The following VWA5B1 variants were observed in gnomAD, a reference collection of about 807,000 sequenced individuals.
VWA5B1 encodes the protein von Willebrand factor A domain containing 5B1, also known as von Willebrand factor A domain-containing protein 5B1.
In VWA5B1, 115 loss-of-function variants were observed where a neutral mutation model predicts 118.2. That is an observed-to-expected ratio of 0.97 (90% confidence interval 0.84 to 1.14). The LOEUF is 1.14. Ranked by LOEUF, VWA5B1 falls within the 50% of genes most tolerant of loss-of-function variation. The pLI is 0.00. For missense variants in VWA5B1, 1,596 were observed against 1,603.8 expected, an observed-to-expected ratio of 1.00 and a Z score of 0.08; for synonymous variants, 682 against 658.4, an observed-to-expected ratio of 1.04 and a Z score of -0.55.
rs918406148 is a variant in VWA5B1 at position 20,326,133 on chromosome 1, C to T, written c.1144-1757C>T. 1.6e-4 allele frequency among the ~76,000 whole-genome samples: 25 copies of T among 152,212 alleles called. 1 individual carries two copies. Among genetic ancestry groups the T allele is most frequent in the Non-Finnish European group, 5.9e-5 (4 of 68,046 alleles). ...TAATGAAAAAATAAGCAGACATTGA[C>T]TTCTTTTGTAGAGAAACCAAATGTA... On this transcript the variant is annotated intron_variant, in intron 8 of 21. Coordinates refer to ENST00000289815, the MANE Select transcript of VWA5B1 (RefSeq NM_001039500.3).
chr1:20,336,013 G>A (rs761264194), intron 12 of VWA5B1, among the ~76,000 whole-genome samples: 5 of 152,174 alleles, frequency 3.3e-5, no homozygotes, highest in Middle Eastern at 3.4e-3. Flanking sequence ...TGGTAATTTC[G>A]GTTACCTATT....
chr1:20,323,529 C>A lies in VWA5B1; in HGVS notation c.1140C>A (p.Val380=). The change falls in exon 8 of 22, where the codon GTC becomes GTA. Residue 380 remains valine (V), a synonymous_variant. Coordinates refer to ENST00000289815, the MANE Select transcript of VWA5B1 (RefSeq NM_001039500.3). ...TGAGCGGGATCAGCATGCACCGAGT[C>A]AAGGTACCTGCTGAGAGAACCCCTC... is the stretch of plus-strand genomic sequence containing the variant. ...SSMSGISMHR[V]KDAMLVALKS... 6.9e-7 allele frequency: 1 copy of A among 1,452,082 alleles called. No homozygotes were observed. The highest frequency in any genetic ancestry group is 1.4e-5 in the South Asian group (1 of 69,064). The allele number at this position is 1,452,082 out of a possible 1,614,324, so 89.9% of individuals were successfully genotyped here. A position where few individuals can be genotyped will look rare whatever the true frequency, so the allele number is the denominator to read the frequency against.
chr1:20,335,205 C>T (rs2089678092), intron 12 of VWA5B1, among the ~76,000 whole-genome samples: 1 of 152,188 alleles, frequency 6.6e-6, no homozygotes, highest in Admixed American at 6.5e-5. Flanking sequence ...GTCCCAACTA[C>T]TCTGGAAGCT....
chr1:20,319,705 G>T (rs550921883), intron 7 of VWA5B1, among the ~76,000 whole-genome samples, 199 bp downstream of exon 7: 2 of 152,196 alleles, frequency 1.3e-5, no homozygotes, highest in Non-Finnish European at 2.9e-5. Flanking sequence ...CGTCATCCTG[G>T]CTCTATTCCC....
Position 20,350,930 on chromosome 1 carries a change from G to C in VWA5B1, c.3023+4G>C, listed in dbSNP as rs1432993496. ...CAGAGAATCTCTTTGGATCCTGGTAGGTGGGATTTCCAATAAAGGTACACT... is the reference window on the plus strand; with the variant it reads ...CAGAGAATCTCTTTGGATCCTGGTACGTGGGATTTCCAATAAAGGTACACT... On this transcript the variant is annotated splice_donor_region_variant and intron_variant, in intron 20 of 21. Transcript: ENST00000289815. 3 of 1,551,788 alleles carry C rather than the reference G, an allele frequency of 1.9e-6. No homozygotes were observed. The highest frequency in any genetic ancestry group is 2.6e-6 in the Non-Finnish European group (3 of 1,146,962).
chr1:20,357,372 T>C lies in VWA5B1; in HGVS notation c.*3109T>C, dbSNP rs12081729. Among the ~76,000 whole-genome samples, 2,671 of 152,312 alleles carry C rather than the reference T, an allele frequency of 0.018. 80 individuals carry two copies. Among genetic ancestry groups the C allele is most frequent in the African/African-American group, 0.059 (2,456 of 41,556 alleles). On this transcript the variant is annotated 3_prime_UTR_variant, in exon 22 of 22. Transcript: ENST00000289815. ...AAGCAACCTATGAGAAACTGTGCTATGGGCAAAGATGTTGAGGAAGCAGTA... is the reference window on the plus strand; with the variant it reads ...AAGCAACCTATGAGAAACTGTGCTACGGGCAAAGATGTTGAGGAAGCAGTA...
intron 12 of VWA5B1, among the ~76,000 whole-genome samples, chr1:20,333,995 G>T (rs2089645669): frequency 6.6e-6 from 1 of 152,254 alleles, no homozygotes; most frequent in Non-Finnish European, 1.5e-5. Flanking sequence ...TGAGCTCACA[G>T]TTGGAAAGGC....
intron 3 of VWA5B1, among the ~76,000 whole-genome samples, chr1:20,313,771 A>C (rs967239158): frequency 3.3e-5 from 5 of 152,204 alleles, no homozygotes; most frequent in African/African-American, 1.2e-4. Flanking sequence ...GATTTATCAC[A>C]GTCTGAAAGG....
intron 10 of VWA5B1, among the ~76,000 whole-genome samples, chr1:20,330,638 G>A (rs1476856908): frequency 6.6e-6 from 1 of 152,238 alleles, no homozygotes; most frequent in Non-Finnish European, 1.5e-5. Flanking sequence ...AGCCAAGGGA[G>A]AGGCTGCTCC....
In VWA5B1 at chr1:20,317,472, G is replaced by A. The variant is rs957332433; in HGVS notation, c.564-58G>A. ...CATCGTCCTCTCCTTGTCTTCTCGC[G>A]CTGGACCCCTTCTTCCACCCTGGCT... is the stretch of plus-strand genomic sequence containing the variant. On this transcript the variant is annotated intron_variant, in intron 4 of 21. Transcript: ENST00000289815. 1.3e-5 allele frequency: 20 copies of A among 1,534,386 alleles called. No individual in the cohort carries two copies. In the East Asian group the frequency reaches 3.4e-4, roughly 26 times the overall value.
Position 20,330,385 on chromosome 1 carries a change from C to A in VWA5B1, c.1457+3C>A. 2 of 1,551,558 alleles carry A rather than the reference C, an allele frequency of 1.3e-6. No homozygotes were observed. Among genetic ancestry groups the A allele is most frequent in the South Asian group, 1.2e-5 (1 of 84,020 alleles). On this transcript the variant is annotated splice_donor_region_variant and intron_variant, in intron 10 of 21. Coordinates refer to ENST00000289815, the MANE Select transcript of VWA5B1 (RefSeq NM_001039500.3). ...CGAAATCACGCCTTCTCCACCAGGTCGGCCTTGGCTGAGGGTCTAGGCTCG... is the reference window on the plus strand; with the variant it reads ...CGAAATCACGCCTTCTCCACCAGGTAGGCCTTGGCTGAGGGTCTAGGCTCG...
intron 4 of VWA5B1, among the ~76,000 whole-genome samples, chr1:20,316,472 A>T (rs1267966548): frequency 1.3e-5 from 2 of 152,214 alleles, no homozygotes; most frequent in Non-Finnish European, 2.9e-5. Flanking sequence ...AGATCGAGGG[A>T]GACTCATAAT....
chr1:20,353,747 CCA>C lies in VWA5B1; in HGVS notation c.3142-3_3142-2del. ...TTTGAGGCCCACTGAAGGGCTTCCC[CCA>C]CACACAGGTGTCTCTGCAGCTGGCC... On this transcript the variant is annotated splice_polypyrimidine_tract_variant and splice_region_variant and intron_variant, in intron 21 of 21. Transcript: ENST00000289815. 1 of 1,452,742 alleles carries C rather than the reference CCA, an allele frequency of 6.9e-7. No homozygotes were observed. 90.0% of individuals were successfully genotyped at this position (1,452,742 alleles called of 1,614,324 possible).
chr1:20,295,851 G>T (rs1387820419), intron 1 of VWA5B1, among the ~76,000 whole-genome samples: 2 of 152,154 alleles, frequency 1.3e-5, no homozygotes, highest in Non-Finnish European at 2.9e-5. Flanking sequence ...TGACCCCATA[G>T]ATGTGAGGTT....
At chr1:20,353,552 T>C (rs1369642625) in intron 21 of VWA5B1, among the ~76,000 whole-genome samples, 3 of 151,990 alleles carry the variant, frequency 2.0e-5, no homozygotes, top group Non-Finnish European at 4.4e-5. Flanking sequence ...AAATATGGAG[T>C]GAAGATGTTG....
chr1:20,345,646 G>A, intron 17 of VWA5B1, 53 bp downstream of exon 17: 1 of 1,490,006 alleles, frequency 6.7e-7, no homozygotes, highest in Non-Finnish European at 8.9e-7. Context: ...AGCCCCTGTG[G>A]ACTAGGGGAG....
rs1202602998 is a variant in VWA5B1, at chr1:20,317,526, C to T, written c.564-4C>T. 2 of 1,551,342 alleles carry T rather than the reference C, an allele frequency of 1.3e-6. No homozygotes were observed. The highest frequency in any genetic ancestry group is 1.7e-4 in the Middle Eastern group (1 of 5,982). On this transcript the variant is annotated splice_region_variant and splice_polypyrimidine_tract_variant and intron_variant, in intron 4 of 21. Transcript: ENST00000289815. ...CTCCTTTCCTTCCCCCGGCCCTTTT[C>T]CAGCAAAGACAGGCACTGCTTCGGT...
At chr1:20,317,456 C>G (rs997134725) in intron 4 of VWA5B1, 74 bp from the exon 5 acceptor site, 2 of 1,516,918 alleles carry the variant, frequency 1.3e-6, no homozygotes, top group African/African-American at 2.8e-5. Flanking sequence ...TCATCGTCCT[C>G]TCCTTGTCTT....
chr1:20,351,361 A>G (rs192675197), intron 20 of VWA5B1, among the ~76,000 whole-genome samples: 23 of 152,150 alleles, frequency 1.5e-4, no homozygotes, highest in African/African-American at 4.6e-4. Context: ...TCTACAAAAA[A>G]TTTAAAAATA....
Sources: gnomAD v4.1 joint callset for allele counts (sites outside exome capture counted in the v4.1 genomes callset) on GRCh38, gnomAD v4.1.1 for gene constraint, MANE v1.5 for transcripts, NCBI Gene and HGNC (gene_info 2026-07-23, HGNC 2026-07-21) for gene names.